RAB28: variants seen among roughly 807,000 people sequenced by gnomAD.
RAB28 encodes RAB28, member RAS oncogene family, also known as ras-related protein Rab-28.
In RAB28, 24 loss-of-function variants were observed where a neutral mutation model predicts 31.7. That is an observed-to-expected ratio of 0.76 (90% CI 0.55 to 1.06). The LOEUF (loss-of-function observed/expected upper bound fraction) is 1.06, where lower values mean the gene tolerates loss of function less well. Among genes scored for constraint, RAB28 ranks in the 50% least tolerant of loss-of-function variants. The pLI is 0.00. For missense variants in RAB28, 254 were observed against 258.5 expected (o/e 0.98, Z 0.12); for synonymous variants, 100 against 90.4 (o/e 1.11, Z -0.60).
chr4:13,482,769 A>G (rs1322354684), intron 1 of RAB28, among the ~76,000 whole-genome samples: 1 of 152,200 alleles, frequency 6.6e-6, no homozygotes, highest in Non-Finnish European at 1.5e-5. Context: ...AGGATCCAAG[A>G]AGACAAGAAA....
chr4:13,467,173 T>C (rs1715897697), intron 3 of RAB28, among the ~76,000 whole-genome samples: 1 of 151,954 alleles, frequency 6.6e-6, no homozygotes, highest in African/African-American at 2.4e-5. Context: ...AAATTTCAAA[T>C]GTTCTCAACA....
intron 3 of RAB28, among the ~76,000 whole-genome samples, chr4:13,470,080 C>T (rs1017991557): frequency 5.3e-5 from 8 of 152,028 alleles, no homozygotes; most frequent in Non-Finnish European, 8.8e-5. Flanking sequence ...CAGTGTAACA[C>T]GTACTAAATA....
intron 6 of RAB28, chr4:13,371,684 A>T: frequency 6.7e-7 from 1 of 1,500,766 alleles, no homozygotes; most frequent in Non-Finnish European, 8.8e-7. Flanking sequence ...TGATTAGAAA[A>T]ACATAATTTC....
intron 2 of RAB28, among the ~76,000 whole-genome samples, chr4:13,476,159 A>G (rs1255279464): frequency 6.6e-6 from 1 of 151,518 alleles, no homozygotes; most frequent in African/African-American, 2.4e-5. Context: ...TGATATTCAG[A>G]TCCTATCTGA....
chr4:13,473,793 C>G (rs180823937), intron 3 of RAB28: 3 of 234,448 alleles, frequency 1.3e-5, no homozygotes, highest in Non-Finnish European at 9.5e-6. Context: ...ACAGCATTAT[C>G]ATAGTAAATT....
intron 3 of RAB28, among the ~76,000 whole-genome samples, chr4:13,468,619 G>C (rs2108967081): frequency 6.6e-6 from 1 of 151,514 alleles, no homozygotes; most frequent in East Asian, 1.9e-4. Context: ...TATTAGAAAA[G>C]CAAAAAAATC....
chr4:13,482,443 G>A (rs1216282899), intron 1 of RAB28, among the ~76,000 whole-genome samples: 8 of 152,096 alleles, frequency 5.3e-5, no homozygotes, highest in Non-Finnish European at 8.8e-5. Context: ...GTTATGAGTT[G>A]TCATTATCAT....
chr4:13,410,003 T>C (rs545197510), intron 4 of RAB28, among the ~76,000 whole-genome samples: 10 of 152,146 alleles, frequency 6.6e-5, no homozygotes, highest in South Asian at 4.1e-4. Context: ...TATCTCGTGA[T>C]GGAATACTCA....
chr4:13,380,088 G>A (rs1184061979), intron 5 of RAB28, among the ~76,000 whole-genome samples: 5 of 152,098 alleles, frequency 3.3e-5, no homozygotes. Flanking sequence ...TAGAAGCCCA[G>A]TGAATCCATG....
chr4:13,433,138 G>GAAAAAAAAAAAAAAAAA (rs1159582203), intron 4 of RAB28, among the ~76,000 whole-genome samples: 1 of 69,496 alleles, frequency 1.4e-5, no homozygotes, highest in Non-Finnish European at 3.3e-5. Context: ...GCAAATGAAA[G>GAAAAAAAAAAAAAAAAA]AAAAAAAAAA....
intron 1 of RAB28, among the ~76,000 whole-genome samples, chr4:13,482,279 A>T (rs1018404887): frequency 6.6e-6 from 1 of 152,220 alleles, no homozygotes; most frequent in Non-Finnish European, 1.5e-5. Context: ...CATGTATGAT[A>T]GGCTAAATAA....
chr4:13,483,359 G>GT lies in RAB28; in HGVS notation c.75+716dup, dbSNP rs527567391. On this transcript the variant is annotated intron_variant, in intron 1 of 6. Transcript: ENST00000330852. ...CAGCTCTACCCTCAGCATCCTACCC[G>GT]TAACAGGAGCTCCATAAACACTTGT... Among the ~76,000 whole-genome samples the GT allele has an allele frequency of 5.3e-5, 8 of 152,226 alleles. No homozygotes were observed. The East Asian group carries it at 1.5e-3, about 29-fold the overall frequency.
At chr4:13,381,641 CA>C in intron 4 of RAB28, 47 bp from the exon 5 acceptor site, 1 of 1,390,442 alleles carries the variant, frequency 7.2e-7, no homozygotes, top group Non-Finnish European at 9.9e-7. Flanking sequence ...TAGAGTCTAT[CA>C]AAACGTTTTT....
At chr4:13,397,991 T>C (rs1201981831) in intron 4 of RAB28, among the ~76,000 whole-genome samples, 5 of 151,976 alleles carry the variant, frequency 3.3e-5, no homozygotes, top group African/African-American at 7.3e-5. Flanking sequence ...GCAGCCGGTA[T>C]CAAGCAGACA....
rs572856268 is a variant in RAB28 at position 13,430,414 on chromosome 4, C to G, written c.391+30285G>C. Among the ~76,000 whole-genome samples the G allele has an allele frequency of 3.3e-5, 5 of 152,212 alleles. No homozygotes were observed. In the South Asian group the frequency reaches 1.0e-3, roughly 32 times the overall value. ...GATTGACACCCAAGAAACTCAGAGT[C>G]CCATGGAAAGGGTAGGTGGGGGTGC... On this transcript the variant is annotated intron_variant, in intron 4 of 6. Coordinates refer to ENST00000330852, the MANE Select transcript of RAB28 (RefSeq NM_001017979.3).
chr4:13,397,944 A>AT (rs1417470507), intron 4 of RAB28, among the ~76,000 whole-genome samples: 2 of 152,126 alleles, frequency 1.3e-5, no homozygotes, highest in African/African-American at 4.8e-5. Context: ...ATGAATCTTC[A>AT]TAACTCCAAA....
At chr4:13,390,044 G>A (rs1729556421) in intron 4 of RAB28, among the ~76,000 whole-genome samples, 1 of 152,178 alleles carries the variant, frequency 6.6e-6, no homozygotes, top group Non-Finnish European at 1.5e-5. Context: ...CATAGTGTTG[G>A]AAGTTCCGGC....
intron 4 of RAB28, among the ~76,000 whole-genome samples, chr4:13,407,087 T>A (rs373821368): frequency 2.0e-4 from 30 of 152,252 alleles, no homozygotes; most frequent in East Asian, 1.5e-3. Context: ...TGCCCAAGCC[T>A]ATTTCCTGAA....
intron 4 of RAB28, among the ~76,000 whole-genome samples, chr4:13,438,507 A>G (rs1008094176): frequency 1.3e-5 from 2 of 152,194 alleles, no homozygotes; most frequent in Non-Finnish European, 2.9e-5. Context: ...AAAACTTCTT[A>G]TAAATAGAAT....
Sources: allele counts gnomAD v4.1 joint callset (sites outside exome capture counted in the v4.1 genomes callset), GRCh38; gene constraint gnomAD v4.1.1; transcripts MANE v1.5; gene names NCBI Gene and HGNC (gene_info 2026-07-23, HGNC 2026-07-21).